The following LMBRD1 variants were observed in gnomAD, a reference collection of about 807,000 sequenced individuals.
LMBRD1 encodes LMBR1 domain containing 1, also known as lysosomal cobalamin transport escort protein LMBD1.
LMBRD1 carries 64 observed loss-of-function variants against 74.8 expected under a neutral mutation model. The observed-to-expected ratio is 0.86, with a 90% CI of 0.70 to 1.05. The LOEUF (loss-of-function observed/expected upper bound fraction) is 1.05, where lower values mean the gene tolerates loss of function less well. Ranked by LOEUF, LMBRD1 falls within the 50% of genes least tolerant of loss-of-function variation. The pLI is 0.00. For missense variants in LMBRD1, 652 were observed against 645.9 expected (o/e 1.01, Z -0.10); for synonymous variants, 204 against 216.3 (o/e 0.94, Z 0.50).
chr6:69,751,619 C>A (rs1188701420), intron 4 of LMBRD1, among the ~76,000 whole-genome samples: 1 of 152,116 alleles, frequency 6.6e-6, no homozygotes, highest in South Asian at 2.1e-4. Flanking sequence ...TGAGCCACAG[C>A]GCCTGGCCAA....
chr6:69,774,163 A>G (rs574775360), intron 3 of LMBRD1, among the ~76,000 whole-genome samples: 25 of 152,320 alleles, frequency 1.6e-4, no homozygotes, highest in African/African-American at 5.5e-4. Context: ...TTCTCATGAC[A>G]GTGATTAAGT....
At chr6:69,752,113 CTG>C (rs1217809104) in intron 4 of LMBRD1, 144 bp downstream of exon 4, 3 of 696,652 alleles carry the variant, frequency 4.3e-6, no homozygotes, top group Admixed American at 6.2e-5. Flanking sequence ...TTAATTTCAA[CTG>C]TTTCTTTTTA....
intron 9 of LMBRD1, among the ~76,000 whole-genome samples, chr6:69,708,878 G>A (rs117822172): frequency 0.012 from 1,765 of 152,248 alleles, 19 homozygotes; most frequent in Middle Eastern, 0.051. Flanking sequence ...GAGCTGTATA[G>A]AAGGGCAAGT....
intron 6 of LMBRD1, among the ~76,000 whole-genome samples, chr6:69,740,054 C>T (rs561701656): frequency 1.3e-5 from 2 of 152,148 alleles, no homozygotes; most frequent in Non-Finnish European, 2.9e-5. Flanking sequence ...TGCAGTGAGC[C>T]ACGATCATGC....
intron 1 of LMBRD1, among the ~76,000 whole-genome samples, chr6:69,794,666 T>C (rs1766171047): frequency 6.6e-6 from 1 of 152,234 alleles, no homozygotes; most frequent in South Asian, 2.1e-4. Context: ...TTTGAAAGAC[T>C]TACATCCACA....
intron 3 of LMBRD1, among the ~76,000 whole-genome samples, chr6:69,758,199 T>C (rs779083181): frequency 9.9e-5 from 15 of 152,192 alleles, no homozygotes; most frequent in Admixed American, 7.9e-4. Context: ...TTTTTAAACA[T>C]ATCCTTCCCA....
chr6:69,708,015 T>A (rs1004009354), intron 9 of LMBRD1, among the ~76,000 whole-genome samples: 1 of 152,142 alleles, frequency 6.6e-6, no homozygotes, highest in African/African-American at 2.4e-5. Context: ...ATATGCAATA[T>A]AATTACAAAC....
intron 14 of LMBRD1, among the ~76,000 whole-genome samples, chr6:69,681,152 GA>G (rs1765652547): frequency 1.3e-5 from 2 of 152,000 alleles, no homozygotes; most frequent in African/African-American, 4.8e-5. Flanking sequence ...AAACATGGGG[GA>G]GGGGGGCTCA....
chr6:69,678,679 T>C (rs1032867083), intron 14 of LMBRD1, among the ~76,000 whole-genome samples: 1 of 152,138 alleles, frequency 6.6e-6, no homozygotes, highest in Non-Finnish European at 1.5e-5. Flanking sequence ...ACCAATCTCA[T>C]ATCCTATTGT....
At chr6:69,741,497 T>C (rs1284413262) in intron 6 of LMBRD1, among the ~76,000 whole-genome samples, 1 of 152,064 alleles carries the variant, frequency 6.6e-6, no homozygotes, top group South Asian at 2.1e-4. Context: ...CCGATTCTCC[T>C]GCCTCAGCCT....
At position 69,701,023 on chromosome 6, in the gene LMBRD1, C is replaced by G. The variant is rs1766118123; in HGVS notation, c.1084-154G>C. Among the ~76,000 whole-genome samples, 7 of 151,166 alleles carry G rather than the reference C, an allele frequency of 4.6e-5. No individual in the cohort carries two copies. The South Asian group carries it at 1.5e-3, about 31-fold the overall frequency. ...AGGCTACTGTGCTTAAAAAAAAATC[C>G]TCAAAAAACTAACAAGTACCAAACT... On this transcript the variant is annotated intron_variant, in intron 11 of 15. Transcript: ENST00000649934.
intron 8 of LMBRD1, among the ~76,000 whole-genome samples, chr6:69,714,375 T>C (rs1332678765): frequency 2.6e-5 from 4 of 152,066 alleles, no homozygotes; most frequent in Non-Finnish European, 4.4e-5. Context: ...TTGGCCAACC[T>C]ATCTGACAGA....
chr6:69,752,273 TATC>T lies in LMBRD1; in HGVS notation c.388_390del (p.Asp130del). 1.2e-6 allele frequency: 2 copies of T among 1,610,178 alleles called. 1 individual carries two copies. The highest frequency in any genetic ancestry group is 2.2e-5 in the South Asian group (2 of 90,976). On this transcript the variant is annotated inframe_deletion, in exon 4 of 16. Transcript: ENST00000649934. The stretch of plus-strand genomic sequence containing the variant: ...AAGATACTTACAGTACATTTACTAG[TATC>T]ATCATCATCCTTTTCTTCATAATAG...
intron 7 of LMBRD1, among the ~76,000 whole-genome samples, chr6:69,719,330 T>A (rs1248659674): frequency 1.3e-5 from 2 of 152,100 alleles, no homozygotes; most frequent in African/African-American, 4.8e-5. Flanking sequence ...GTAAATTTAC[T>A]GTACAATACT....
intron 14 of LMBRD1, among the ~76,000 whole-genome samples, chr6:69,693,475 T>C (rs963855743): frequency 7.2e-5 from 11 of 152,142 alleles, no homozygotes; most frequent in African/African-American, 2.4e-4. Context: ...TTTTAGAAAT[T>C]GCTGCTTTAA....
intron 9 of LMBRD1, among the ~76,000 whole-genome samples, chr6:69,712,629 G>A (rs954424387): frequency 1.3e-5 from 2 of 151,882 alleles, no homozygotes; most frequent in African/African-American, 4.8e-5. Context: ...AATAAGTCAG[G>A]CACAGAAAGA....
chr6:69,697,878 GAACA>G (rs1028026484), intron 13 of LMBRD1, among the ~76,000 whole-genome samples: 8 of 151,948 alleles, frequency 5.3e-5, no homozygotes, highest in African/African-American at 1.4e-4. Flanking sequence ...CTTCTTCCCA[GAACA>G]AACAAATTCC....
chr6:69,688,283 T>C (rs1004486854), intron 14 of LMBRD1, among the ~76,000 whole-genome samples: 3 of 152,126 alleles, frequency 2.0e-5, no homozygotes, highest in African/African-American at 7.2e-5. Flanking sequence ...TATCAACTAG[T>C]GTAGTAATTC....
intron 14 of LMBRD1, among the ~76,000 whole-genome samples, chr6:69,693,486 T>C (rs555726134): frequency 5.9e-5 from 9 of 152,196 alleles, no homozygotes; most frequent in Non-Finnish European, 1.3e-4. Flanking sequence ...GCTGCTTTAA[T>C]ATCTCTCCAG....
Sources: gnomAD v4.1 joint callset for allele counts (sites outside exome capture counted in the v4.1 genomes callset) on GRCh38, gnomAD v4.1.1 for gene constraint, MANE v1.5 for transcripts, NCBI Gene and HGNC (gene_info 2026-07-23, HGNC 2026-07-21) for gene names.